Variants in PCSK5 observed in about 807,000 individuals in gnomAD.
PCSK5 encodes the protein prohormone convertase 5.
PCSK5 carries 129 observed loss-of-function variants against 233.2 expected under a neutral mutation model. That is an observed-to-expected ratio of 0.55 (90% CI 0.48 to 0.64). PCSK5 has a LOEUF of 0.64. Among genes scored for constraint, PCSK5 ranks in the 30% least tolerant of loss-of-function variants. The pLI is 0.00. For synonymous variants in PCSK5, 825 were observed against 879.2 expected, an observed-to-expected ratio of 0.94 and a Z score of 1.09; for missense variants, 2,076 against 2,430.1, an observed-to-expected ratio of 0.85 and a Z score of 3.06.
At chr9:76,311,978 G>A (rs543657011) in intron 30 of PCSK5, among the ~76,000 whole-genome samples, 26 of 152,182 alleles carry the variant, frequency 1.7e-4, no homozygotes, top group African/African-American at 6.0e-4. Context: ...AATCTCAGTC[G>A]CAAGAATGCA....
At chr9:76,143,747 A>G (rs1324568865) in intron 10 of PCSK5, among the ~76,000 whole-genome samples, 1 of 148,418 alleles carries the variant, frequency 6.7e-6, no homozygotes, top group Admixed American at 6.7e-5. Context: ...TTTTTTTAAG[A>G]GAAAGAAGTG....
intron 1 of PCSK5, among the ~76,000 whole-genome samples, chr9:75,902,223 A>T (rs1826070652): frequency 1.8e-5 from 2 of 111,254 alleles, no homozygotes; most frequent in Non-Finnish European, 4.0e-5. Flanking sequence ...CTAAAAAAAA[A>T]AAAAAAAAAA....
intron 20 of PCSK5, among the ~76,000 whole-genome samples, chr9:76,219,729 A>C (rs961915688): frequency 2.0e-5 from 3 of 152,162 alleles, no homozygotes; most frequent in South Asian, 4.2e-4. Flanking sequence ...CTTGCATCTC[A>C]TGTGGAGAGA....
At chr9:76,328,387 AG>A in intron 33 of PCSK5, 148 bp downstream of exon 33, 1 of 652,502 alleles carries the variant, frequency 1.5e-6, no homozygotes, top group East Asian at 2.7e-5. Context: ...AAAAGATGCA[AG>A]AGTAAGAACT....
At chr9:76,032,723 CA>C (rs1431993848) in intron 5 of PCSK5, among the ~76,000 whole-genome samples, 1 of 152,146 alleles carries the variant, frequency 6.6e-6, no homozygotes. Context: ...TGCCTCCCTG[CA>C]AATGAAACAG....
intron 3 of PCSK5, among the ~76,000 whole-genome samples, chr9:76,012,578 G>A (rs1827777365): frequency 6.6e-6 from 1 of 152,162 alleles, no homozygotes; most frequent in South Asian, 2.1e-4. Flanking sequence ...TTCAACTATT[G>A]ATACTAAGTT....
intron 1 of PCSK5, among the ~76,000 whole-genome samples, chr9:75,893,563 T>G (rs1450454145): frequency 1.3e-5 from 2 of 152,168 alleles, no homozygotes; most frequent in Non-Finnish European, 2.9e-5. Context: ...TGAGCAGAAC[T>G]GGTATATGAC....
chr9:75,921,990 C>T (rs1823278225), intron 1 of PCSK5, among the ~76,000 whole-genome samples: 3 of 152,156 alleles, frequency 2.0e-5, no homozygotes, highest in African/African-American at 2.4e-5. Context: ...TTCAAACTCA[C>T]AGTTGACACC....
chr9:75,982,062 A>G (rs1284228314), intron 2 of PCSK5, among the ~76,000 whole-genome samples: 1 of 152,200 alleles, frequency 6.6e-6, no homozygotes, highest in Non-Finnish European at 1.5e-5. Flanking sequence ...GAGAGATGCC[A>G]AAAATATAGT....
intron 1 of PCSK5, among the ~76,000 whole-genome samples, chr9:75,904,243 A>T (rs911978867): frequency 6.6e-6 from 1 of 152,198 alleles, no homozygotes; most frequent in Non-Finnish European, 1.5e-5. Context: ...TGAATTTGTC[A>T]CATATTTATG....
intron 7 of PCSK5, among the ~76,000 whole-genome samples, chr9:76,072,151 A>G (rs1830503199): frequency 6.6e-6 from 1 of 152,260 alleles, no homozygotes; most frequent in East Asian, 1.9e-4. Flanking sequence ...TCTTTCAAAG[A>G]AAATATATTA....
chr9:76,185,155 A>G (rs1267274603), intron 17 of PCSK5, among the ~76,000 whole-genome samples: 2 of 152,172 alleles, frequency 1.3e-5, no homozygotes, highest in African/African-American at 2.4e-5. Flanking sequence ...CCTTATCTTT[A>G]TTATTTCTCT....
At chr9:76,355,240 A>AGGAGGGCGGATCACAAGGTCAGGAGAT (rs1830268822) in intron 37 of PCSK5, among the ~76,000 whole-genome samples, 1 of 152,186 alleles carries the variant, frequency 6.6e-6, no homozygotes, top group Non-Finnish European at 1.5e-5. Context: ...TGCGGAGCCA[A>AGGAGGGCGGATCACAAGGTCAGGAGAT]GGAGGGCGGA....
intron 24 of PCSK5, among the ~76,000 whole-genome samples, chr9:76,283,321 T>A (rs896999375): frequency 6.6e-6 from 1 of 152,168 alleles, no homozygotes; most frequent in African/African-American, 2.4e-5. Flanking sequence ...TAAACTTCAT[T>A]GTTTCAAAAA....
chr9:76,017,113 A>G (rs1344720289), intron 3 of PCSK5, among the ~76,000 whole-genome samples: 2 of 152,198 alleles, frequency 1.3e-5, no homozygotes, highest in Non-Finnish European at 2.9e-5. Context: ...GATGATTCAT[A>G]GGATACCAAA....
chr9:76,205,151 C>T (rs1457661363), intron 20 of PCSK5: 1 of 518,778 alleles, frequency 1.9e-6, no homozygotes, highest in African/African-American at 1.9e-5. Context: ...TTTTTTCCCC[C>T]ACCAAAATAT....
chr9:76,065,424 AT>A (rs1405839363), intron 5 of PCSK5, among the ~76,000 whole-genome samples: 2 of 151,736 alleles, frequency 1.3e-5, no homozygotes, highest in Non-Finnish European at 2.9e-5. Context: ...GATGTTGAGC[AT>A]TTTTTTCACA....
chr9:76,145,600 C>T (rs1035059945), intron 10 of PCSK5, among the ~76,000 whole-genome samples: 2 of 152,200 alleles, frequency 1.3e-5, no homozygotes, highest in African/African-American at 2.4e-5. Context: ...TGGATTCTGG[C>T]ATCAGATATT....
rs1825574919 is a variant in PCSK5, at chr9:75,891,118, G to C, written c.-64G>C. ...CGGGCGGCGCAGGCCGGAGAAGTTAGTTGTGCGCGCCCTTAGTGCGCGGAA... is the reference window on the plus strand; with the variant it reads ...CGGGCGGCGCAGGCCGGAGAAGTTACTTGTGCGCGCCCTTAGTGCGCGGAA... On this transcript the variant is annotated 5_prime_UTR_variant, in exon 1 of 38. Transcript: ENST00000674117. 1.5e-6 allele frequency: 2 copies of C among 1,375,342 alleles called. No individual in the cohort carries two copies. Among genetic ancestry groups the C allele is most frequent in the Non-Finnish European group, 1.9e-6 (2 of 1,065,300 alleles). 85.2% of individuals were successfully genotyped at this position (1,375,342 alleles called of 1,614,324 possible). A position where few individuals can be genotyped will look rare whatever the true frequency, so the allele number is the denominator to read the frequency against.
Sources: allele counts gnomAD v4.1 joint callset (sites outside exome capture counted in the v4.1 genomes callset), GRCh38; gene constraint gnomAD v4.1.1; transcripts MANE v1.5; gene names NCBI Gene and HGNC (gene_info 2026-07-23, HGNC 2026-07-21).